The following SNX29 variants were observed in gnomAD, a reference collection of about 807,000 sequenced individuals.
SNX29 encodes sorting nexin-29.
SNX29 carries 78 observed loss-of-function variants against 102.1 expected under a neutral mutation model. The observed-to-expected ratio is 0.76, with a 90% CI of 0.64 to 0.92. The LOEUF (loss-of-function observed/expected upper bound fraction) is 0.92, where lower values mean the gene tolerates loss of function less well. Ranked by LOEUF, SNX29 falls within the 40% of genes least tolerant of loss-of-function variation. SNX29 has a pLI of 0.00. For missense variants in SNX29, 1,280 were observed against 1,061.7 expected, an observed-to-expected ratio of 1.21 and a Z score of -2.86; for synonymous variants, 580 against 414.5, an observed-to-expected ratio of 1.40 and a Z score of -4.85.
In SNX29 at chr16:12,524,766, A is replaced by G. The variant is rs768675039; in HGVS notation, c.2243A>G (p.Lys748Arg). 5.6e-6 allele frequency: 9 copies of G among 1,613,630 alleles called. No individual in the cohort carries two copies. Among genetic ancestry groups the G allele is most frequent in the African/African-American group, 1.3e-5 (1 of 74,820 alleles). The change falls in exon 20 of 21, where the codon AAA becomes AGA. Residue 748 changes from lysine to arginine, a missense_variant. Physicochemically the swap from Lys to Arg is conservative, Grantham distance 26 (BLOSUM62 2). Transcript: ENST00000566228. ...LQNYLRSVMN[K>R]VIQMVPEFAA... ...AATTACCTGCGCAGCGTCATGAACA[A>G]AGTCATCCAGATGGTCCCCGAGTTC...
intron 14 of SNX29, among the ~76,000 whole-genome samples, chr16:12,234,335 A>G (rs141866833): frequency 6.6e-6 from 1 of 152,046 alleles, no homozygotes; most frequent in Non-Finnish European, 1.5e-5. Context: ...TCATTCTACA[A>G]ATGGCTTACT....
intron 3 of SNX29, among the ~76,000 whole-genome samples, chr16:12,014,545 C>G (rs1371172417): frequency 6.6e-6 from 1 of 151,750 alleles, no homozygotes; most frequent in African/African-American, 2.4e-5. Context: ...CCCGCCTGAC[C>G]AACATAGAGA....
intron 16 of SNX29, among the ~76,000 whole-genome samples, chr16:12,385,022 T>C (rs2083295887): frequency 6.6e-6 from 1 of 152,094 alleles, no homozygotes. Context: ...AATACAAAAG[T>C]AGCTGGGCAT....
chr16:12,543,735 G>C (rs895095750), intron 20 of SNX29, among the ~76,000 whole-genome samples: 7 of 152,242 alleles, frequency 4.6e-5, no homozygotes, highest in African/African-American at 7.2e-5. Context: ...TGGCATTGCA[G>C]TGGAGTTGAC....
intron 3 of SNX29, among the ~76,000 whole-genome samples, chr16:12,003,313 A>G (rs1340188590): frequency 1.3e-5 from 2 of 152,208 alleles, no homozygotes; most frequent in Non-Finnish European, 2.9e-5. Context: ...ATACCTTTCC[A>G]TATAAAGTTA....
chr16:12,052,370 C>G (rs1211551528), intron 8 of SNX29, 148 bp downstream of exon 8: 3 of 771,130 alleles, frequency 3.9e-6, no homozygotes, highest in African/African-American at 3.5e-5. Flanking sequence ...GCACCTGTCA[C>G]CACACCCAGC....
At position 12,240,477 on chromosome 16, in the gene SNX29, T is replaced by C. The variant is rs1372426014; in HGVS notation, c.1679-37456T>C. 2.6e-5 allele frequency among the ~76,000 whole-genome samples: 4 copies of C among 152,322 alleles called. No homozygotes were observed. In the Middle Eastern group the frequency reaches 0.01, roughly 389 times the overall value. ...TTTGTTTGCTGTCAGTTTTTTAGTATTGAGTCTATAACGATCTTGATTTTT... is the reference window on the plus strand; with the variant it reads ...TTTGTTTGCTGTCAGTTTTTTAGTACTGAGTCTATAACGATCTTGATTTTT... On this transcript the variant is annotated intron_variant, in intron 14 of 20. Transcript: ENST00000566228.
intron 14 of SNX29, among the ~76,000 whole-genome samples, chr16:12,264,463 A>G (rs1286836070): frequency 2.6e-5 from 4 of 152,242 alleles, no homozygotes; most frequent in African/African-American, 9.6e-5. Flanking sequence ...TGCAGAAGTC[A>G]CATGTGCTTA....
At chr16:12,341,693 G>T (rs1319029872) in intron 15 of SNX29, among the ~76,000 whole-genome samples, 1 of 152,126 alleles carries the variant, frequency 6.6e-6, no homozygotes, top group East Asian at 1.9e-4. Flanking sequence ...GATGGTGCAG[G>T]GTCACACGCC....
At chr16:12,528,369 G>A (rs538585943) in intron 20 of SNX29, among the ~76,000 whole-genome samples, 28 of 151,852 alleles carry the variant, frequency 1.8e-4, no homozygotes, top group Non-Finnish European at 3.8e-4. Context: ...GCTAATTTTT[G>A]TATTTTTTAT....
intron 11 of SNX29, chr16:12,090,391 G>C (rs1052525696): frequency 6.6e-6 from 1 of 152,258 alleles, no homozygotes; most frequent in Admixed American, 6.5e-5. Flanking sequence ...GAGGCAGTGG[G>C]AGGGAATGGG....
intron 19 of SNX29, among the ~76,000 whole-genome samples, chr16:12,522,565 C>G (rs952361701): frequency 6.6e-6 from 1 of 152,032 alleles, no homozygotes; most frequent in Non-Finnish European, 1.5e-5. Context: ...GGATTTCCTC[C>G]TTGCTGTTCT....
At chr16:12,397,629 A>G (rs2083767666) in intron 16 of SNX29, among the ~76,000 whole-genome samples, 1 of 152,230 alleles carries the variant, frequency 6.6e-6, no homozygotes. Context: ...AGTTTCTAGC[A>G]GATCAAAAAA....
At chr16:12,004,421 CAT>C in intron 3 of SNX29, among the ~76,000 whole-genome samples, 1 of 151,906 alleles carries the variant, frequency 6.6e-6, no homozygotes, top group East Asian at 1.9e-4. Flanking sequence ...AAGCTGATAA[CAT>C]TGGCTGGAAG....
intron 20 of SNX29, among the ~76,000 whole-genome samples, chr16:12,535,621 C>G (rs573327042): frequency 2.6e-4 from 40 of 152,286 alleles, no homozygotes; most frequent in Non-Finnish European, 2.6e-4. Flanking sequence ...CTGTCAGTCA[C>G]ACCAACATGA....
At chr16:12,531,270 T>A (rs991325830) in intron 20 of SNX29, among the ~76,000 whole-genome samples, 3 of 152,198 alleles carry the variant, frequency 2.0e-5, no homozygotes, top group Non-Finnish European at 2.9e-5. Context: ...CAGGGCGCAC[T>A]GGGACCTGGG....
At chr16:12,176,643 T>G (rs1257236394) in intron 13 of SNX29, among the ~76,000 whole-genome samples, 15 of 152,200 alleles carry the variant, frequency 9.9e-5, no homozygotes, top group Admixed American at 9.8e-4. Flanking sequence ...TTAGGCTATT[T>G]ACAAATACTG....
chr16:12,488,076 T>A (rs747302762), intron 19 of SNX29, among the ~76,000 whole-genome samples: 1 of 152,180 alleles, frequency 6.6e-6, no homozygotes, highest in Non-Finnish European at 1.5e-5. Context: ...TAGGTATATA[T>A]ATGTTTAATT....
chr16:12,567,056 C>T (rs2079041161), intron 20 of SNX29, among the ~76,000 whole-genome samples: 1 of 152,234 alleles, frequency 6.6e-6, no homozygotes, highest in Admixed American at 6.5e-5. Flanking sequence ...AGATGCTAGG[C>T]TGTTTCAGGG....
Sources: gnomAD v4.1 joint callset for allele counts (sites outside exome capture counted in the v4.1 genomes callset) on GRCh38, gnomAD v4.1.1 for gene constraint, MANE v1.5 for transcripts, NCBI Gene and HGNC (gene_info 2026-07-23, HGNC 2026-07-21) for gene names.